The following EYA1 variants were observed in gnomAD, a reference collection of about 807,000 sequenced individuals.
EYA1 encodes EYA transcriptional coactivator and phosphatase 1.
In EYA1, 16 loss-of-function variants were observed where a neutral mutation model predicts 82.0. That is an observed-to-expected ratio of 0.20 (90% CI 0.13 to 0.30). EYA1 has a LOEUF of 0.30. EYA1 is among the 10% of genes least tolerant of loss of function. The pLI is 1.00. For missense variants in EYA1, 633 were observed against 730.7 expected, an observed-to-expected ratio of 0.87 and a Z score of 1.54; for synonymous variants, 261 against 264.4, an observed-to-expected ratio of 0.99 and a Z score of 0.12.
At chr8:71,411,834 A>T (rs1023392843) in intron 2 of EYA1, among the ~76,000 whole-genome samples, 2 of 146,924 alleles carry the variant, frequency 1.4e-5, no homozygotes, top group South Asian at 4.4e-4. Context: ...TTCCTCAGGG[A>T]TCTAGAACTA....
intron 2 of EYA1, among the ~76,000 whole-genome samples, chr8:71,431,713 T>A (rs1329733204): frequency 6.6e-6 from 1 of 152,174 alleles, no homozygotes; most frequent in Non-Finnish European, 1.5e-5. Flanking sequence ...AGGGAAGTAT[T>A]AGTCTGTGTT....
intron 2 of EYA1, among the ~76,000 whole-genome samples, chr8:71,454,946 A>T (rs959863206): frequency 6.6e-5 from 10 of 150,724 alleles, no homozygotes; most frequent in Non-Finnish European, 1.3e-4. Context: ...AGATAGAGAC[A>T]CAAAAAATCA....
At chr8:71,237,519 T>G (rs1009032483) in intron 12 of EYA1, among the ~76,000 whole-genome samples, 4 of 141,192 alleles carry the variant, frequency 2.8e-5, no homozygotes, top group Non-Finnish European at 4.4e-5. Context: ...AAATAGTATT[T>G]GTCTCTGACT....
At chr8:71,256,189 C>A (rs1814394771) in intron 11 of EYA1, among the ~76,000 whole-genome samples, 1 of 152,064 alleles carries the variant, frequency 6.6e-6, no homozygotes, top group South Asian at 2.1e-4. Context: ...ACTATATGAT[C>A]CCACAATTCC....
rs60375952 is a variant in EYA1 at position 71,290,631 on chromosome 8, C to A, written c.826+8416G>T. 8.9e-3 allele frequency among the ~76,000 whole-genome samples: 1,359 copies of A among 152,196 alleles called. 23 individuals are homozygous for A. Among genetic ancestry groups the A allele is most frequent in the African/African-American group, 0.031 (1,289 of 41,540 alleles). ...AATTAGGGAAACCAGTAACAAGGCA[C>A]AAAAGGGCTAAGTGCTTAGAAGACT... On this transcript the variant is annotated intron_variant, in intron 9 of 17. Coordinates refer to ENST00000340726, the MANE Select transcript of EYA1 (RefSeq NM_000503.6).
chr8:71,285,678 A>T (rs1441727533), intron 9 of EYA1, among the ~76,000 whole-genome samples: 3 of 152,226 alleles, frequency 2.0e-5, no homozygotes, highest in Admixed American at 1.3e-4. Flanking sequence ...TTAACCCAAA[A>T]GGCTTTTTTT....
chr8:71,475,855 T>C (rs1407658536), intron 2 of EYA1, among the ~76,000 whole-genome samples: 2 of 152,212 alleles, frequency 1.3e-5, no homozygotes, highest in African/African-American at 4.8e-5. Context: ...TTGTTATTGA[T>C]ATAACTAAAA....
chr8:71,543,003 T>A (rs1423286282), intron 1 of EYA1, among the ~76,000 whole-genome samples: 1 of 152,186 alleles, frequency 6.6e-6, no homozygotes, highest in South Asian at 2.1e-4. Flanking sequence ...ATTCTGTAGA[T>A]TGTCTGTTCA....
chr8:71,443,527 C>T (rs962827830), intron 2 of EYA1, among the ~76,000 whole-genome samples: 1 of 152,188 alleles, frequency 6.6e-6, no homozygotes, highest in African/African-American at 2.4e-5. Flanking sequence ...GTGATCCACC[C>T]TCCTTGGCCT....
intron 2 of EYA1, among the ~76,000 whole-genome samples, chr8:71,412,179 T>C (rs1052312863): frequency 1.7e-5 from 2 of 119,668 alleles, no homozygotes; most frequent in Admixed American, 1.0e-4. Context: ...AATTGAACAA[T>C]GAGATCACAT....
chr8:71,544,995 A>G (rs1297581559), intron 1 of EYA1, among the ~76,000 whole-genome samples: 4 of 152,234 alleles, frequency 2.6e-5, no homozygotes, highest in Non-Finnish European at 5.9e-5. Context: ...TCATCACTTT[A>G]GCTTTCTTCT....
At chr8:71,355,788 A>C (rs1826808797) in intron 2 of EYA1, among the ~76,000 whole-genome samples, 1 of 152,234 alleles carries the variant, frequency 6.6e-6, no homozygotes, top group South Asian at 2.1e-4. Flanking sequence ...CATAAAAGGT[A>C]CAAAAGCCAC....
At chr8:71,328,012 T>G (rs1407239006) in intron 4 of EYA1, among the ~76,000 whole-genome samples, 4 of 151,892 alleles carry the variant, frequency 2.6e-5, no homozygotes, top group Admixed American at 2.0e-4. Context: ...CCCGCCACCA[T>G]GCCCGGCTAA....
chr8:71,246,305 T>C (rs1003795781), intron 11 of EYA1, among the ~76,000 whole-genome samples: 1 of 152,214 alleles, frequency 6.6e-6, no homozygotes, highest in African/African-American at 2.4e-5. Context: ...ACCAGGGGGA[T>C]TGTAAGCAGA....
chr8:71,364,597 G>T (rs1042188306), upstream of EYA1, among the ~76,000 whole-genome samples: 2 of 151,926 alleles, frequency 1.3e-5, no homozygotes, highest in Non-Finnish European at 2.9e-5. Context: ...CTAGTAAAAG[G>T]TGATAGAAGA....
chr8:71,504,811 TA>T (rs1230134740), intron 2 of EYA1, among the ~76,000 whole-genome samples: 12 of 152,220 alleles, frequency 7.9e-5, no homozygotes, highest in Non-Finnish European at 1.6e-4. Flanking sequence ...TTTTTTGTTT[TA>T]TTTTTTTGAG....
intron 12 of EYA1, chr8:71,225,336 C>A: frequency 6.6e-6 from 3 of 456,062 alleles, no homozygotes; most frequent in Non-Finnish European, 1.3e-5. Context: ...TGGTTTGTAG[C>A]CTCTCCACAC....
intron 2 of EYA1, among the ~76,000 whole-genome samples, chr8:71,368,654 G>A (rs1445161304): frequency 1.6e-4 from 25 of 152,108 alleles, no homozygotes. Context: ...TAAATTTGCA[G>A]TATCGTCACA....
At chr8:71,540,882 G>A (rs1388000671) in intron 1 of EYA1, among the ~76,000 whole-genome samples, 1 of 152,274 alleles carries the variant, frequency 6.6e-6, no homozygotes, top group African/African-American at 2.4e-5. Flanking sequence ...AAAGAAAAGG[G>A]CTATTCTGAA....
Sources: allele counts gnomAD v4.1 joint callset (sites outside exome capture counted in the v4.1 genomes callset), GRCh38; gene constraint gnomAD v4.1.1; transcripts MANE v1.5; gene names NCBI Gene and HGNC (gene_info 2026-07-23, HGNC 2026-07-21).